Variants in FBXW7 observed in about 807,000 individuals in gnomAD.
FBXW7 encodes the protein F-box and WD repeat domain containing 7, also known as F-box/WD repeat-containing protein 7.
A neutral mutation model predicts 86.3 loss-of-function variants in FBXW7; 11 were observed. The ratio of observed to expected loss-of-function variants is 0.13; its 90% confidence interval spans 0.08 to 0.21. The LOEUF is 0.21. FBXW7 is among the 10% of genes least tolerant of loss of function. The pLI is 1.00. For synonymous variants in FBXW7, 313 were observed against 297.9 expected (o/e 1.05, Z -0.52); for missense variants, 488 against 847.4 (o/e 0.58, Z 5.27).
At chr4:152,398,001 T>C (rs1353728550) in intron 4 of FBXW7, among the ~76,000 whole-genome samples, 1 of 151,966 alleles carries the variant, frequency 6.6e-6, no homozygotes, top group Non-Finnish European at 1.5e-5. Context: ...TGCACATACA[T>C]TTATCCCAAG....
chr4:152,395,536 T>C (rs775549921), intron 4 of FBXW7, among the ~76,000 whole-genome samples: 14 of 152,076 alleles, frequency 9.2e-5, no homozygotes, highest in Non-Finnish European at 1.8e-4. Context: ...GGAAGTTGGA[T>C]ACTCATTTCT....
intron 2 of FBXW7, among the ~76,000 whole-genome samples, chr4:152,526,390 T>C (rs192717171): frequency 3.7e-4 from 56 of 152,310 alleles, no homozygotes; most frequent in Non-Finnish European, 4.3e-4. Flanking sequence ...TTATTTATTG[T>C]ATTGGCCAAT....
intron 2 of FBXW7, among the ~76,000 whole-genome samples, chr4:152,413,463 C>G (rs2126888469): frequency 6.6e-6 from 1 of 152,188 alleles, no homozygotes; most frequent in East Asian, 1.9e-4. Context: ...ATGTTCCTCA[C>G]TTTGCAGGCA....
intron 4 of FBXW7, among the ~76,000 whole-genome samples, chr4:152,379,702 A>G (rs1734880239): frequency 6.6e-6 from 1 of 152,132 alleles, no homozygotes; most frequent in Non-Finnish European, 1.5e-5. Flanking sequence ...TTTCATTTGA[A>G]GGTAAATGAT....
At chr4:152,533,555 G>C (rs150376302) in intron 2 of FBXW7, among the ~76,000 whole-genome samples, 5 of 152,170 alleles carry the variant, frequency 3.3e-5, no homozygotes, top group African/African-American at 1.2e-4. Flanking sequence ...AGTTCCAGAG[G>C]AGGGAAAAGT....
intron 2 of FBXW7, among the ~76,000 whole-genome samples, chr4:152,449,815 A>G (rs1741744073): frequency 6.6e-6 from 1 of 152,356 alleles, no homozygotes; most frequent in East Asian, 1.9e-4. Flanking sequence ...ATTAATCCAC[A>G]TTACAATTTC....
rs375535587 is a variant in FBXW7, at chr4:152,323,161, C to A, written c.1856-12G>T. On this transcript the variant is annotated splice_polypyrimidine_tract_variant and intron_variant, in intron 13 of 13. Coordinates refer to ENST00000281708, the MANE Select transcript of FBXW7 (RefSeq NM_001349798.2). ...ATGCTTGTTGGGACCTAGACAAAAA[C>A]CAAAAGAATTTAATTACTGGTTAGA... 87 of 1,608,524 alleles carry A rather than the reference C, an allele frequency of 5.4e-5. 1 individual carries two copies. The Middle Eastern group carries it at 2.0e-3, about 37-fold the overall frequency.
In FBXW7 at chr4:152,411,472, T is replaced by C; in HGVS notation, c.332A>G (p.Glu111Gly). The C allele has an allele frequency of 6.2e-7, 1 of 1,613,616 alleles. No individual in the cohort carries two copies. Among genetic ancestry groups the C allele is most frequent in the Non-Finnish European group, 8.5e-7 (1 of 1,179,796 alleles). ...GTCCATCTCCTCCTCCTCCTCATCC[T>C]CCTCATCTTGTTCACCAGCATGTTC... ...DEEHAGEQDE[E>G]DEEEEEMDQE... Residue 111 changes from glutamate (E) to glycine (G), a missense_variant, in exon 4 of 14, where the codon GAG becomes GGG. Physicochemically the swap from Glu to Gly is moderately conservative, Grantham distance 98. Around this residue, in one of 4 missense-constraint regions of FBXW7, gnomAD observed 230 missense variants for 240.0 expected, o/e 0.96. Coordinates refer to ENST00000281708, the MANE Select transcript of FBXW7 (RefSeq NM_001349798.2).
At chr4:152,431,568 C>T (rs1739892458) in intron 2 of FBXW7, among the ~76,000 whole-genome samples, 1 of 152,300 alleles carries the variant, frequency 6.6e-6, no homozygotes, top group East Asian at 1.9e-4. Flanking sequence ...TGAATGACTA[C>T]ATTTTAGTTT....
At chr4:152,465,603 G>A (rs1428303238) in intron 2 of FBXW7, among the ~76,000 whole-genome samples, 1 of 152,066 alleles carries the variant, frequency 6.6e-6, no homozygotes, top group Non-Finnish European at 1.5e-5. Context: ...CCAGCACTTT[G>A]GGAGGCCAAA....
intron 2 of FBXW7, among the ~76,000 whole-genome samples, chr4:152,516,655 T>C (rs1748524381): frequency 6.6e-6 from 1 of 152,240 alleles, no homozygotes; most frequent in Non-Finnish European, 1.5e-5. Context: ...CACATTATTA[T>C]AAGTGATGTA....
intron 2 of FBXW7, among the ~76,000 whole-genome samples, chr4:152,483,013 T>C (rs1227208047): frequency 6.6e-6 from 1 of 152,172 alleles, no homozygotes; most frequent in African/African-American, 2.4e-5. Flanking sequence ...TTATTCTTTT[T>C]AATCAGCTTG....
intron 4 of FBXW7, among the ~76,000 whole-genome samples, chr4:152,391,971 TATAA>T (rs1318005198): frequency 1.3e-5 from 2 of 152,262 alleles, no homozygotes; most frequent in African/African-American, 4.8e-5. Flanking sequence ...GTTTGTCAGA[TATAA>T]ATGAGTTCTA....
intron 2 of FBXW7, among the ~76,000 whole-genome samples, chr4:152,529,924 C>T (rs1229833099): frequency 3.3e-5 from 5 of 151,566 alleles, no homozygotes; most frequent in Admixed American, 6.6e-5. Context: ...GGCATGGTGG[C>T]GCATGCCTGT....
intron 4 of FBXW7, among the ~76,000 whole-genome samples, chr4:152,370,723 A>C (rs567307490): frequency 1.3e-5 from 2 of 152,110 alleles, no homozygotes; most frequent in East Asian, 3.9e-4. Flanking sequence ...TACGTTTGAG[A>C]AATGATGGCT....
At chr4:152,461,972 G>A (rs1047498290) in intron 2 of FBXW7, among the ~76,000 whole-genome samples, 5 of 152,158 alleles carry the variant, frequency 3.3e-5, no homozygotes, top group Admixed American at 6.5e-5. Context: ...TCTGTTATAC[G>A]TTGTTTCAGT....
chr4:152,342,495 G>C (rs1730843424), intron 6 of FBXW7, among the ~76,000 whole-genome samples: 1 of 152,214 alleles, frequency 6.6e-6, no homozygotes, highest in Non-Finnish European at 1.5e-5. Flanking sequence ...AACTCATCCA[G>C]TGTTGATGTA....
intron 2 of FBXW7, among the ~76,000 whole-genome samples, chr4:152,515,382 CAG>C (rs1022591096): frequency 2.0e-5 from 3 of 152,028 alleles, no homozygotes; most frequent in African/African-American, 7.3e-5. Flanking sequence ...TTGAGGGTGA[CAG>C]AAATGTCTTG....
intron 2 of FBXW7, among the ~76,000 whole-genome samples, chr4:152,418,014 A>C (rs546627654): frequency 1.1e-4 from 17 of 152,254 alleles, no homozygotes; most frequent in African/African-American, 4.1e-4. Flanking sequence ...CTGTGTTAAG[A>C]GTACTGATAT....
Sources: allele counts gnomAD v4.1 joint callset (sites outside exome capture counted in the v4.1 genomes callset), GRCh38; gene constraint gnomAD v4.1.1; regional missense constraint gnomAD v4.1.1; transcripts MANE v1.5; gene names NCBI Gene and HGNC (gene_info 2026-07-23, HGNC 2026-07-21).